MGST2: variants seen among roughly 807,000 people sequenced by gnomAD.
MGST2 encodes microsomal glutathione S-transferase 2.
A neutral mutation model predicts 16.6 loss-of-function variants in MGST2; 9 were observed. The observed-to-expected ratio is 0.54, with a 90% CI of 0.33 to 0.95. The LOEUF is 0.95. MGST2 is among the 40% of genes least tolerant of loss of function. The pLI, the probability that MGST2 is intolerant of heterozygous loss-of-function variation, is 0.03. For synonymous variants in MGST2, 79 were observed against 68.0 expected, an observed-to-expected ratio of 1.16 and a Z score of -0.79; for missense variants, 159 against 175.1, an observed-to-expected ratio of 0.91 and a Z score of 0.52.
chr4:139,725,601 A>G, intron 5 of MGST2: 1 of 764,906 alleles, frequency 1.3e-6, no homozygotes, highest in Non-Finnish European at 2.2e-6. Context: ...ATCCATTCTG[A>G]TTGGTTAGTA....
At chr4:139,693,322 G>A (rs1411313087) in intron 2 of MGST2, among the ~76,000 whole-genome samples, 3 of 150,832 alleles carry the variant, frequency 2.0e-5, no homozygotes, top group Middle Eastern at 3.2e-3. Flanking sequence ...GGAGAATGGC[G>A]TGAACCCAGG....
intron 2 of MGST2, among the ~76,000 whole-genome samples, chr4:139,682,707 A>C (rs1054866943): frequency 1.3e-5 from 2 of 152,158 alleles, no homozygotes; most frequent in Non-Finnish European, 2.9e-5. Flanking sequence ...GAAGCAGAAA[A>C]TGCATTTAGA....
chr4:139,698,171 T>G, intron 3 of MGST2: 1 of 1,555,716 alleles, frequency 6.4e-7, no homozygotes, highest in East Asian at 2.2e-5. Flanking sequence ...GTATGCTGTG[T>G]GCTAGCTGGA....
chr4:139,753,343 T>C, the MGST2 span, among the ~76,000 whole-genome samples: 2 of 119,680 alleles, frequency 1.7e-5, no homozygotes, highest in African/African-American at 5.7e-5. Flanking sequence ...TTCTTTTTAA[T>C]CTATCTATCT....
chr4:139,671,449 G>A (rs1730686840), intron 1 of MGST2, among the ~76,000 whole-genome samples: 1 of 152,114 alleles, frequency 6.6e-6, no homozygotes, highest in East Asian at 1.9e-4. Context: ...GCACCCCACT[G>A]TCATCATATA....
intron 2 of MGST2, chr4:139,687,870 T>C (rs947222756): frequency 2.6e-5 from 4 of 152,210 alleles, no homozygotes; most frequent in Non-Finnish European, 5.9e-5. Flanking sequence ...GATGACAGTC[T>C]CTAGAGTCTT....
chr4:139,682,016 GCC>G (rs1731267437), intron 2 of MGST2, among the ~76,000 whole-genome samples: 1 of 151,854 alleles, frequency 6.6e-6, no homozygotes, highest in South Asian at 2.1e-4. Context: ...CATAGCAAGA[GCC>G]CCCTCTCTCT....
chr4:139,720,202 C>T lies in MGST2; in HGVS notation c.*48+16006C>T, dbSNP rs375440788. 8.6e-4 allele frequency: 1,385 copies of T among 1,613,894 alleles called. 4 individuals carry two copies. Among genetic ancestry groups the T allele is most frequent in the Non-Finnish European group, 8.4e-4 (991 of 1,179,804 alleles). ...CCGACTGCGCAGCTGCGGTGGCCAT[C>T]GTCCCAGGGTTCTGGGAGGGTCCTA... On this transcript the variant is annotated intron_variant, in intron 5 of 5. Coordinates refer to the MGST2 transcript ENST00000616265.
At chr4:139,666,548 T>C (rs1011442097) in intron 1 of MGST2, among the ~76,000 whole-genome samples, 1 of 152,224 alleles carries the variant, frequency 6.6e-6, no homozygotes, top group Non-Finnish European at 1.5e-5. Flanking sequence ...GGTGGTATGA[T>C]TATCAGATTG....
intron 5 of MGST2, among the ~76,000 whole-genome samples, chr4:139,716,582 A>G (rs910661621): frequency 3.3e-5 from 5 of 152,002 alleles, no homozygotes; most frequent in Admixed American, 6.5e-5. Context: ...TCAGTTGTGC[A>G]GTTGAATGCA....
At chr4:139,723,554 T>C (rs1476166823) in intron 5 of MGST2, among the ~76,000 whole-genome samples, 2 of 152,124 alleles carry the variant, frequency 1.3e-5, no homozygotes, top group African/African-American at 4.8e-5. Context: ...TCAGGTGAAC[T>C]GCCCGCCTCG....
chr4:139,673,665 C>T (rs1258888788), intron 1 of MGST2, among the ~76,000 whole-genome samples: 4 of 152,054 alleles, frequency 2.6e-5, no homozygotes, highest in African/African-American at 4.8e-5. Flanking sequence ...CCTCCTGCCT[C>T]GGCCTCCCAG....
chr4:139,666,531 T>G (rs1730360568), intron 1 of MGST2, among the ~76,000 whole-genome samples: 1 of 152,214 alleles, frequency 6.6e-6, no homozygotes, highest in African/African-American at 2.4e-5. Context: ...TTAAATAAAC[T>G]GCCTATGGTG....
intron 2 of MGST2, among the ~76,000 whole-genome samples, chr4:139,681,393 G>T (rs745411743): frequency 6.6e-6 from 1 of 151,780 alleles, no homozygotes; most frequent in Non-Finnish European, 1.5e-5. Flanking sequence ...TTCTTAAAAC[G>T]CATACTAGTT....
At chr4:139,700,784 T>G (rs1375244009) in intron 3 of MGST2, among the ~76,000 whole-genome samples, 1 of 152,212 alleles carries the variant, frequency 6.6e-6, no homozygotes, top group Admixed American at 6.5e-5. Context: ...CAAACTTGGC[T>G]TATGCGTTTA....
intron 5 of MGST2, among the ~76,000 whole-genome samples, chr4:139,735,000 G>C (rs909774546): frequency 6.6e-6 from 1 of 152,278 alleles, no homozygotes; most frequent in African/African-American, 2.4e-5. Flanking sequence ...GCCCGGCCTC[G>C]TGCCCGGCCG....
At chr4:139,740,661 T>A (rs1729135400) in exon 6 of MGST2, 1 of 152,170 alleles carries the variant, frequency 6.6e-6, no homozygotes, top group South Asian at 2.1e-4. Context: ...TATCTTGTGT[T>A]ATACTGGGAG....
intron 2 of MGST2, among the ~76,000 whole-genome samples, chr4:139,686,278 T>C (rs149242556): frequency 8.6e-4 from 131 of 151,918 alleles, no homozygotes; most frequent in Non-Finnish European, 1.6e-3. Context: ...TGGGTTAAGA[T>C]AAAGGATTAT....
At chr4:139,697,150 C>T (rs1726972181) in intron 3 of MGST2, among the ~76,000 whole-genome samples, 2 of 151,896 alleles carry the variant, frequency 1.3e-5, no homozygotes, top group South Asian at 4.2e-4. Flanking sequence ...TTATCTTTTT[C>T]CTTAAGGCTC....
Sources: gnomAD v4.1 joint callset for allele counts (sites outside exome capture counted in the v4.1 genomes callset) on GRCh38, gnomAD v4.1.1 for gene constraint, MANE v1.5 for transcripts, NCBI Gene and HGNC (gene_info 2026-07-23, HGNC 2026-07-21) for gene names.